Variants in SMYD3 observed in about 807,000 individuals in gnomAD.
The protein encoded by SMYD3 is SET and MYND domain containing 3.
SMYD3 carries 36 observed loss-of-function variants against 57.7 expected under a neutral mutation model. The observed-to-expected ratio is 0.62, with a 90% CI of 0.48 to 0.82. The LOEUF is 0.82. Among genes scored for constraint, SMYD3 ranks in the 40% least tolerant of loss-of-function variants. The probability of loss-of-function intolerance (pLI) is 0.00; values close to 1 mark genes in which losing one functional copy is unlikely to be tolerated. For missense variants in SMYD3, 515 were observed against 538.8 expected, an observed-to-expected ratio of 0.96 and a Z score of 0.44; for synonymous variants, 211 against 195.0, an observed-to-expected ratio of 1.08 and a Z score of -0.68.
chr1:246,340,726 T>A (rs1033416790), intron 2 of SMYD3, among the ~76,000 whole-genome samples: 2 of 152,148 alleles, frequency 1.3e-5, no homozygotes, highest in Admixed American at 6.5e-5. Context: ...TAATTTATTT[T>A]AAAAAATTTA....
chr1:246,077,437 T>C (rs1358315487), intron 5 of SMYD3, among the ~76,000 whole-genome samples: 1 of 152,134 alleles, frequency 6.6e-6, no homozygotes, highest in Non-Finnish European at 1.5e-5. Flanking sequence ...GATTATGCTA[T>C]TGTTCTGTCT....
intron 5 of SMYD3, among the ~76,000 whole-genome samples, chr1:246,117,580 G>A (rs964259375): frequency 1.9e-4 from 29 of 152,124 alleles, no homozygotes; most frequent in African/African-American, 6.3e-4. Context: ...ACAAGGTAAG[G>A]TTTCCCTCCC....
chr1:245,779,122 T>C (rs2817482), intron 10 of SMYD3, among the ~76,000 whole-genome samples: 60,078 of 148,520 alleles, frequency 0.4, 16,222 homozygotes, highest in East Asian at 0.79. Context: ...ATTGGGCCAC[T>C]GCACTCCAGC....
rs113039266 is a variant in SMYD3 at position 245,773,044 on chromosome 1, C to T, written c.1077-8895G>A. Reference sequence around the variant, plus strand: ...TGGTAATTAGTGGAATGCACTGTTGCACCCACATGGAGATTACACACTGGG... The same window carrying T: ...TGGTAATTAGTGGAATGCACTGTTGTACCCACATGGAGATTACACACTGGG... On this transcript the variant is annotated intron_variant, in intron 10 of 11. Transcript: ENST00000490107. Among the ~76,000 whole-genome samples the T allele has an allele frequency of 6.0e-3, 889 of 147,196 alleles. 6 individuals carry two copies. The highest frequency in any genetic ancestry group is 0.02 in the African/African-American group (798 of 39,622).
rs35500837 is a variant in SMYD3 at position 245,766,400 on chromosome 1, T to TAA, written c.1077-2253_1077-2252dup. Among the ~76,000 whole-genome samples, 140 of 101,720 alleles carry TAA rather than the reference T, an allele frequency of 1.4e-3. 1 individual carries two copies. The highest frequency in any genetic ancestry group is 3.5e-3 in the South Asian group (10 of 2,882). The allele number at this position is 101,720 out of a possible 152,430, so 66.7% of individuals were successfully genotyped here. ...GGGCAACAAGAGCGAGACTCTGTCT[T>TAA]AAAAAAAAAAAAAAAAAAAAAAAGG... is the stretch of plus-strand genomic sequence containing the variant. On this transcript the variant is annotated intron_variant, in intron 10 of 11. Transcript: ENST00000490107.
chr1:245,786,828 C>T (rs1327638743), intron 10 of SMYD3, among the ~76,000 whole-genome samples: 1 of 152,080 alleles, frequency 6.6e-6, no homozygotes, highest in Non-Finnish European at 1.5e-5. Flanking sequence ...CTGTTGCTAC[C>T]AGCTGTGATT....
At chr1:246,139,169 G>C (rs546803571) in intron 5 of SMYD3, among the ~76,000 whole-genome samples, 11 of 152,222 alleles carry the variant, frequency 7.2e-5, no homozygotes, top group African/African-American at 2.4e-4. Context: ...TAAGCTTCCT[G>C]GGAAATTTTA....
chr1:245,924,372 T>G (rs1471206862), intron 7 of SMYD3, among the ~76,000 whole-genome samples: 1 of 152,112 alleles, frequency 6.6e-6, no homozygotes, highest in Admixed American at 6.6e-5. Flanking sequence ...ATGGAGAGCC[T>G]TAAATAGCAA....
intron 5 of SMYD3, among the ~76,000 whole-genome samples, chr1:246,049,161 C>G (rs1449000517): frequency 6.6e-6 from 1 of 152,058 alleles, no homozygotes; most frequent in African/African-American, 2.4e-5. Flanking sequence ...CTTCAAGAGC[C>G]CAGTTCTAGT....
At chr1:246,334,909 A>T (rs1443149384) in intron 3 of SMYD3, among the ~76,000 whole-genome samples, 1 of 152,208 alleles carries the variant, frequency 6.6e-6, no homozygotes, top group Non-Finnish European at 1.5e-5. Context: ...GTGAGGCATC[A>T]TATGTTACAG....
chr1:246,010,275 TA>T (rs1369956780), intron 5 of SMYD3, among the ~76,000 whole-genome samples: 1 of 151,974 alleles, frequency 6.6e-6, no homozygotes, highest in African/African-American at 2.4e-5. Context: ...CACAGCAGGA[TA>T]AAAATTGACT....
At chr1:246,323,856 G>A (rs1351187149) in intron 5 of SMYD3, among the ~76,000 whole-genome samples, 1 of 152,062 alleles carries the variant, frequency 6.6e-6, no homozygotes, top group East Asian at 1.9e-4. Flanking sequence ...AAGAGACTTG[G>A]TAAGAAAAGA....
intron 5 of SMYD3, among the ~76,000 whole-genome samples, chr1:246,084,195 C>CT (rs772938424): frequency 0.082 from 11,119 of 135,412 alleles, 1,179 homozygotes; most frequent in African/African-American, 0.26. Context: ...CTGACAATTC[C>CT]TTTTTTTTTT....
chr1:245,955,535 A>G (rs2057813884), intron 5 of SMYD3, among the ~76,000 whole-genome samples: 1 of 151,920 alleles, frequency 6.6e-6, no homozygotes, highest in African/African-American at 2.4e-5. Context: ...CTTAAATGTC[A>G]CCTCCTTCAA....
intron 5 of SMYD3, among the ~76,000 whole-genome samples, chr1:246,312,060 AC>A (rs2065089704): frequency 2.0e-5 from 3 of 152,138 alleles, no homozygotes; most frequent in African/African-American, 7.2e-5. Context: ...GCATACACTC[AC>A]TGAATCTCCG....
intron 5 of SMYD3, among the ~76,000 whole-genome samples, chr1:246,070,669 G>A (rs2060427484): frequency 6.6e-6 from 1 of 152,146 alleles, no homozygotes; most frequent in African/African-American, 2.4e-5. Context: ...AAAGTGAATG[G>A]CGAGATAAAG....
At chr1:245,908,012 T>C (rs1161786287) in intron 8 of SMYD3, among the ~76,000 whole-genome samples, 1 of 152,108 alleles carries the variant, frequency 6.6e-6, no homozygotes. Context: ...GGCTCGTGCC[T>C]GTAATCCCAG....
At chr1:246,025,022 C>G (rs61839434) in intron 5 of SMYD3, among the ~76,000 whole-genome samples, 3 of 141,190 alleles carry the variant, frequency 2.1e-5, no homozygotes, top group Non-Finnish European at 3.1e-5. Context: ...ACAGATACAG[C>G]AAGTGGACAG....
rs1274832080 is a variant in SMYD3 at position 245,798,435 on chromosome 1, TAC to T, written c.1077-34288_1077-34287del. Among the ~76,000 whole-genome samples the T allele has an allele frequency of 1.0e-4, 7 of 68,634 alleles. No homozygotes were observed. In the South Asian group the frequency reaches 2.0e-3, roughly 19 times the overall value. 45.0% of individuals were successfully genotyped at this position (68,634 alleles called of 152,430 possible). A position where few individuals can be genotyped will look rare whatever the true frequency, so the allele number is the denominator to read the frequency against. Reference sequence around the variant, plus strand: ...ACACACATACACACCCCCACACACATACACACACATAAAAATATGCACACACA... The same window carrying T: ...ACACACATACACACCCCCACACACATACACACATAAAAATATGCACACACA... On this transcript the variant is annotated intron_variant, in intron 10 of 11. Coordinates refer to ENST00000490107, the MANE Select transcript of SMYD3 (RefSeq NM_001167740.2).
Sources: allele counts gnomAD v4.1 joint callset (sites outside exome capture counted in the v4.1 genomes callset), GRCh38; gene constraint gnomAD v4.1.1; transcripts MANE v1.5; gene names NCBI Gene and HGNC (gene_info 2026-07-23, HGNC 2026-07-21).